The following MAGI2 variants were observed in gnomAD, a reference collection of about 807,000 sequenced individuals.
The protein encoded by MAGI2 is membrane associated guanylate kinase, WW and PDZ domain containing 2.
A neutral mutation model predicts 133.3 loss-of-function variants in MAGI2; 35 were observed. That is an observed-to-expected ratio of 0.26 (90% confidence interval 0.20 to 0.35). The LOEUF (loss-of-function observed/expected upper bound fraction) is 0.35. Among genes scored for constraint, MAGI2 ranks in the 10% least tolerant of loss-of-function variants. MAGI2 has a pLI of 1.00. For synonymous variants in MAGI2, 729 were observed against 710.6 expected, an observed-to-expected ratio of 1.03 and a Z score of -0.41; for missense variants, 1,636 against 1,863.4, an observed-to-expected ratio of 0.88 and a Z score of 2.25.
chr7:78,965,919 A>ACCTCATC (rs1377083594), intron 2 of MAGI2, among the ~76,000 whole-genome samples: 2 of 152,012 alleles, frequency 1.3e-5, no homozygotes. Flanking sequence ...TTTGGAGGCA[A>ACCTCATC]CCTCATCCCT....
At chr7:78,687,034 T>A (rs796254803) in intron 2 of MAGI2, among the ~76,000 whole-genome samples, 1 of 152,168 alleles carries the variant, frequency 6.6e-6, no homozygotes, top group Admixed American at 6.5e-5. Flanking sequence ...GTCCAGCGCA[T>A]TGCATTAGAG....
At chr7:78,172,361 C>T (rs892326407) in intron 14 of MAGI2, among the ~76,000 whole-genome samples, 9 of 152,292 alleles carry the variant, frequency 5.9e-5, no homozygotes, top group African/African-American at 1.9e-4. Flanking sequence ...GAAACTCCTC[C>T]AACCAGTGTG....
At chr7:79,377,049 T>G (rs1843431089) in intron 1 of MAGI2, among the ~76,000 whole-genome samples, 2 of 151,846 alleles carry the variant, frequency 1.3e-5, no homozygotes, top group African/African-American at 4.8e-5. Context: ...AGGGAGCTTT[T>G]CCACATATAA....
At chr7:78,985,489 T>A (rs924003633) in intron 2 of MAGI2, among the ~76,000 whole-genome samples, 1 of 151,966 alleles carries the variant, frequency 6.6e-6, no homozygotes, top group Non-Finnish European at 1.5e-5. Context: ...CTATGAACAA[T>A]AAAAGAGAGT....
chr7:79,023,466 T>G (rs1317745441), intron 1 of MAGI2, among the ~76,000 whole-genome samples: 1 of 152,084 alleles, frequency 6.6e-6, no homozygotes, highest in African/African-American at 2.4e-5. Context: ...TTTAACATAG[T>G]GCCGAAAATC....
At chr7:79,223,832 T>C (rs1341065444) in intron 1 of MAGI2, among the ~76,000 whole-genome samples, 1 of 152,016 alleles carries the variant, frequency 6.6e-6, no homozygotes, top group East Asian at 1.9e-4. Flanking sequence ...CAATGGCACC[T>C]CCTTCACAGG....
chr7:78,640,464 A>T lies in MAGI2; in HGVS notation c.419-13225T>A, dbSNP rs376750354. 1.1e-4 allele frequency among the ~76,000 whole-genome samples: 16 copies of T among 152,362 alleles called. No individual in the cohort carries two copies. In the South Asian group the frequency reaches 3.3e-3, roughly 32 times the overall value. Reference sequence around the variant, plus strand: ...GAGAGCTAATTAAGGCACTTCTGGCATAAGAGATATTGAGTTAATAGTGAG... The same window carrying T: ...GAGAGCTAATTAAGGCACTTCTGGCTTAAGAGATATTGAGTTAATAGTGAG... On this transcript the variant is annotated intron_variant, in intron 2 of 21. Coordinates refer to ENST00000354212, the MANE Select transcript of MAGI2 (RefSeq NM_012301.4).
chr7:79,427,357 T>A (rs957549211), intron 1 of MAGI2, among the ~76,000 whole-genome samples: 1 of 152,066 alleles, frequency 6.6e-6, no homozygotes, highest in Non-Finnish European at 1.5e-5. Flanking sequence ...TGCACATGTA[T>A]CTCAGAACTT....
intron 1 of MAGI2, among the ~76,000 whole-genome samples, chr7:79,276,403 C>A (rs1835230148): frequency 6.6e-6 from 1 of 152,178 alleles, no homozygotes. Flanking sequence ...GATCAGCTGG[C>A]AGCCATCAAT....
chr7:79,145,768 C>G (rs563983833), intron 1 of MAGI2, among the ~76,000 whole-genome samples: 1 of 152,280 alleles, frequency 6.6e-6, no homozygotes, highest in African/African-American at 2.4e-5. Flanking sequence ...TACATTATGT[C>G]TAGCACATTT....
intron 2 of MAGI2, among the ~76,000 whole-genome samples, chr7:78,798,790 T>C (rs1418106729): frequency 6.6e-6 from 1 of 152,180 alleles, no homozygotes; most frequent in African/African-American, 2.4e-5. Context: ...ACTTCCATGC[T>C]GAGCTCAAGT....
At chr7:78,824,585 TTCAGTTCATA>T (rs1790460385) in intron 2 of MAGI2, among the ~76,000 whole-genome samples, 1 of 151,948 alleles carries the variant, frequency 6.6e-6, no homozygotes. Context: ...TTTGAGAAGT[TTCAGTTCATA>T]TCCTTCACGC....
In MAGI2 at chr7:78,893,370, C is replaced by T. The variant is rs185377579; in HGVS notation, c.418+113720G>A. Among the ~76,000 whole-genome samples the T allele has an allele frequency of 6.6e-4, 100 of 152,224 alleles. 1 individual carries two copies. Among genetic ancestry groups the T allele is most frequent in the African/African-American group, 2.2e-3 (92 of 41,528 alleles). On this transcript the variant is annotated intron_variant, in intron 2 of 21. Coordinates refer to ENST00000354212, the MANE Select transcript of MAGI2 (RefSeq NM_012301.4). ...AGAAATACCATTTGACCCAGCCATC[C>T]CATTACTGGGTATATACCCAAAGGA... is the stretch of plus-strand genomic sequence containing the variant.
intron 9 of MAGI2, among the ~76,000 whole-genome samples, chr7:78,318,266 G>GAGAAGAACATA (rs765817341): frequency 2.8e-4 from 42 of 152,170 alleles, no homozygotes; most frequent in Non-Finnish European, 5.3e-4. Context: ...AACCAGTTTA[G>GAGAAGAACATA]AGAAGAACAT....
intron 21 of MAGI2, among the ~76,000 whole-genome samples, chr7:78,028,466 A>C (rs1809185222): frequency 1.3e-5 from 2 of 152,244 alleles, no homozygotes; most frequent in Admixed American, 1.3e-4. Context: ...ACAATGGAGC[A>C]GCTATCTACT....
chr7:78,327,444 A>G (rs1022726093), intron 9 of MAGI2, among the ~76,000 whole-genome samples: 3 of 152,140 alleles, frequency 2.0e-5, no homozygotes, highest in African/African-American at 4.8e-5. Flanking sequence ...CCCAATTTCA[A>G]TGAGTGATTC....
chr7:79,278,284 C>T (rs1835385499), intron 1 of MAGI2, among the ~76,000 whole-genome samples: 1 of 152,154 alleles, frequency 6.6e-6, no homozygotes, highest in African/African-American at 2.4e-5. Flanking sequence ...CTCCCTGAGG[C>T]TTCCTCAGAA....
At chr7:78,615,264 C>T (rs549435335) in intron 3 of MAGI2, 2 of 152,282 alleles carry the variant, frequency 1.3e-5, no homozygotes, top group South Asian at 2.1e-4. Context: ...ATTATCTAAC[C>T]TGTATACACT....
intron 20 of MAGI2, among the ~76,000 whole-genome samples, chr7:78,084,953 C>T (rs1563100932): frequency 6.6e-6 from 1 of 152,034 alleles, no homozygotes. Context: ...TTTCATTAAC[C>T]TTCCCATTTC....
Sources: gnomAD v4.1 joint callset for allele counts (sites outside exome capture counted in the v4.1 genomes callset) on GRCh38, gnomAD v4.1.1 for gene constraint, MANE v1.5 for transcripts, NCBI Gene and HGNC (gene_info 2026-07-23, HGNC 2026-07-21) for gene names.